Variants in DDX60 observed in about 807,000 individuals in gnomAD.
DDX60 encodes the protein probable ATP-dependent RNA helicase DDX60.
Under a neutral mutation model 212.8 loss-of-function variants are expected in DDX60, and 165 were observed. The ratio of observed to expected loss-of-function variants is 0.78; its 90% CI spans 0.68 to 0.88. The LOEUF (loss-of-function observed/expected upper bound fraction) is 0.88. Ranked by LOEUF, DDX60 falls within the 40% of genes least tolerant of loss-of-function variation. DDX60 has a pLI of 0.00. For synonymous variants in DDX60, 703 were observed against 685.3 expected (o/e 1.03, Z -0.40); for missense variants, 1,905 against 2,003.9 (o/e 0.95, Z 0.94).
intron 14 of DDX60, among the ~76,000 whole-genome samples, chr4:168,277,687 T>C (rs1256288806): frequency 6.6e-6 from 1 of 151,334 alleles, no homozygotes; most frequent in Non-Finnish European, 1.5e-5. Context: ...TGGGCGCCTG[T>C]AGTCCCAGCT....
intron 30 of DDX60, among the ~76,000 whole-genome samples, chr4:168,239,048 T>C (rs1043196126): frequency 1.3e-5 from 2 of 152,060 alleles, no homozygotes; most frequent in Non-Finnish European, 2.9e-5. Context: ...GTATCCAAAG[T>C]GATAAAATAG....
At chr4:168,235,141 T>C (rs1279679117) in intron 33 of DDX60, among the ~76,000 whole-genome samples, 1 of 151,922 alleles carries the variant, frequency 6.6e-6, no homozygotes, top group Admixed American at 6.6e-5. Context: ...AGTTTTTATT[T>C]AATATAATGG....
At chr4:168,323,142 T>G (rs1372638745), upstream of DDX60, among the ~76,000 whole-genome samples, 1 of 152,182 alleles carries the variant, frequency 6.6e-6, no homozygotes, top group East Asian at 1.9e-4. Flanking sequence ...TTTTCAGCCT[T>G]ATGATACAAT....
At chr4:168,252,338 C>G (rs1271620614) in intron 27 of DDX60, among the ~76,000 whole-genome samples, 171 bp downstream of exon 27, 3 of 152,214 alleles carry the variant, frequency 2.0e-5, no homozygotes, top group Non-Finnish European at 4.4e-5. Flanking sequence ...TAGATATGCA[C>G]TGCAGAGCAT....
At chr4:168,268,055 T>C in intron 20 of DDX60, 72 bp from the exon 21 acceptor site, 1 of 1,306,836 alleles carries the variant, frequency 7.7e-7, no homozygotes, top group South Asian at 1.4e-5. Context: ...GTAGTTTAAG[T>C]AAAGACAATT....
chr4:168,219,863 C>A (rs557201901), intron 37 of DDX60, among the ~76,000 whole-genome samples: 21 of 151,756 alleles, frequency 1.4e-4, no homozygotes, highest in Non-Finnish European at 2.2e-4. Flanking sequence ...ATGGAGAAAC[C>A]CCCTCGCTAC....
At chr4:168,285,372 G>T in intron 11 of DDX60, 21 bp downstream of exon 11, 1 of 1,389,646 alleles carries the variant, frequency 7.2e-7, no homozygotes, top group Non-Finnish European at 1.0e-6. Context: ...ATTTATTGAG[G>T]CACAGTTTTT....
chr4:168,288,106 G>C, intron 9 of DDX60, 68 bp downstream of exon 9: 1 of 1,041,698 alleles, frequency 9.6e-7, no homozygotes, highest in Non-Finnish European at 1.3e-6. Flanking sequence ...AAATTATTTT[G>C]TAGTTTTAAA....
intron 33 of DDX60, among the ~76,000 whole-genome samples, chr4:168,231,092 T>C (rs1733435196): frequency 6.6e-6 from 1 of 151,644 alleles, no homozygotes; most frequent in Non-Finnish European, 1.5e-5. Flanking sequence ...GCACACAAAC[T>C]GGAAAACTTA....
chr4:168,242,956 G>A (rs1438960652), intron 30 of DDX60, among the ~76,000 whole-genome samples: 1 of 152,134 alleles, frequency 6.6e-6, no homozygotes, highest in Non-Finnish European at 1.5e-5. Context: ...ATGGGGGCGG[G>A]TCTTTCCCAT....
At chr4:168,300,826 T>C (rs1313251501) in intron 6 of DDX60, among the ~76,000 whole-genome samples, 1 of 152,154 alleles carries the variant, frequency 6.6e-6, no homozygotes, top group African/African-American at 2.4e-5. Context: ...ACATATTCTA[T>C]GGCTACAGTT....
At chr4:168,286,139 G>T (rs1434514240) in intron 10 of DDX60, among the ~76,000 whole-genome samples, 1 of 150,982 alleles carries the variant, frequency 6.6e-6, no homozygotes, top group Non-Finnish European at 1.5e-5. Flanking sequence ...AAGGAAGGAA[G>T]AAAGGAAGGA....
chr4:168,304,294 C>T (rs1736780279), intron 5 of DDX60, among the ~76,000 whole-genome samples: 3 of 152,064 alleles, frequency 2.0e-5, no homozygotes, highest in Non-Finnish European at 4.4e-5. Context: ...TGTTGATGAT[C>T]CTGACCCTGT....
chr4:168,303,985 A>G (rs1394018756), intron 5 of DDX60, among the ~76,000 whole-genome samples: 3 of 152,176 alleles, frequency 2.0e-5, no homozygotes, highest in Admixed American at 2.0e-4. Context: ...CTGTCTCCAA[A>G]AAAACAACAA....
In DDX60 at chr4:168,301,191, AAGAG is replaced by A. The variant is rs201178719; in HGVS notation, c.723+1105_723+1108del. Among the ~76,000 whole-genome samples, 129 of 152,338 alleles carry A rather than the reference AAGAG, an allele frequency of 8.5e-4. 2 individuals are homozygous for A. In the East Asian group the frequency reaches 0.021, roughly 25 times the overall value. On this transcript the variant is annotated intron_variant, in intron 6 of 37. Transcript: ENST00000393743. ...ACGAAAGCTGGATTTCTCATGATTG[AAGAG>A]AGAAATTAAAAATAAAGAAAGGGGA...
intron 1 of DDX60, among the ~76,000 whole-genome samples, chr4:168,317,386 G>A (rs1227313238): frequency 6.6e-6 from 1 of 151,876 alleles, no homozygotes; most frequent in Non-Finnish European, 1.5e-5. Context: ...TCTTAAAAAG[G>A]AAGAAGAAAA....
chr4:168,300,153 A>AATACCCT (rs61420700), intron 6 of DDX60, among the ~76,000 whole-genome samples: 64,615 of 151,574 alleles, frequency 0.43, 14,521 homozygotes, highest in African/African-American at 0.59. Context: ...GAAAATCATT[A>AATACCCT]ATACAATACT....
upstream of DDX60, among the ~76,000 whole-genome samples, chr4:168,322,297 A>AT (rs1560891537): frequency 6.6e-6 from 1 of 152,192 alleles, no homozygotes; most frequent in African/African-American, 2.4e-5. Flanking sequence ...GAATCATCAC[A>AT]TAACTACTGC....
rs769565826 is a variant in DDX60, at chr4:168,216,641, T to G, written c.*292A>C. The G allele has an allele frequency of 8.9e-5, 19 of 212,294 alleles. No homozygotes were observed. The highest frequency in any genetic ancestry group is 1.7e-4 in the Non-Finnish European group (18 of 108,724). The allele number at this position is 212,294 out of a possible 1,614,324, so 13.2% of individuals were successfully genotyped here. A position where few individuals can be genotyped will look rare whatever the true frequency, so the allele number is the denominator to read the frequency against. ...AATTGTTATTCAGTCACATACAACA[T>G]TCTCGCATTTTTTTAGTCAATCCTC... On this transcript the variant is annotated 3_prime_UTR_variant, in exon 38 of 38. Transcript: ENST00000393743.
Sources: gnomAD v4.1 joint callset for allele counts (sites outside exome capture counted in the v4.1 genomes callset) on GRCh38, gnomAD v4.1.1 for gene constraint, MANE v1.5 for transcripts, NCBI Gene and HGNC (gene_info 2026-07-23, HGNC 2026-07-21) for gene names.